RILPL1: variants seen among roughly 807,000 people sequenced by gnomAD.
RILPL1 encodes Rab interacting lysosomal protein like 1.
Under a neutral mutation model 50.3 loss-of-function variants are expected in RILPL1, and 33 were observed. The observed-to-expected ratio is 0.66, with a 90% CI of 0.50 to 0.88. RILPL1 has a LOEUF of 0.88. Among genes scored for constraint, RILPL1 ranks in the 40% least tolerant of loss-of-function variants. The probability of loss-of-function intolerance (pLI) is 0.00; values close to 1 mark genes in which losing one functional copy is unlikely to be tolerated. For missense variants in RILPL1, 418 were observed against 542.5 expected, an observed-to-expected ratio of 0.77 and a Z score of 2.28; for synonymous variants, 205 against 228.6, an observed-to-expected ratio of 0.90 and a Z score of 0.93.
At chr12:123,492,254 A>G (rs148505589) in intron 4 of RILPL1, among the ~76,000 whole-genome samples, 168 of 151,972 alleles carry the variant, frequency 1.1e-3, no homozygotes, top group African/African-American at 3.9e-3. Flanking sequence ...TATACATATA[A>G]TCTGTGAAAG....
intron 2 of RILPL1, among the ~76,000 whole-genome samples, chr12:123,512,630 CGTGT>C (rs1043383336): frequency 2.4e-5 from 2 of 84,450 alleles, no homozygotes; most frequent in Admixed American, 1.4e-4. Context: ...GTCTGTGTGT[CGTGT>C]GTGAGGTCTG....
intron 2 of RILPL1, among the ~76,000 whole-genome samples, chr12:123,515,697 G>A (rs954738654): frequency 2.2e-4 from 34 of 151,256 alleles, no homozygotes; most frequent in Non-Finnish European, 4.4e-4. Context: ...TGATCCGCCC[G>A]CCTCAGCCTC....
At chr12:123,483,569 A>G (rs1882133605) in intron 6 of RILPL1, among the ~76,000 whole-genome samples, 1 of 152,210 alleles carries the variant, frequency 6.6e-6, no homozygotes. Context: ...GGGAAATTTC[A>G]GGAGGTTTTA....
intron 2 of RILPL1, among the ~76,000 whole-genome samples, chr12:123,505,993 T>A (rs1883722805): frequency 6.6e-6 from 1 of 152,142 alleles, no homozygotes. Flanking sequence ...GCGTGGTGAA[T>A]AAATGAAACC....
At chr12:123,506,614 G>A (rs901194886) in intron 2 of RILPL1, among the ~76,000 whole-genome samples, 2 of 152,140 alleles carry the variant, frequency 1.3e-5, no homozygotes, top group African/African-American at 4.8e-5. Context: ...CCCGGAGAGC[G>A]GTACAGAAAG....
In RILPL1 at chr12:123,491,754, A is replaced by G. The variant is rs1425952529; in HGVS notation, c.802-5949T>C. ...GCTGGGCGCGGTGGCTCACACCTGT[A>G]ATCCCAGCAGGAGGCCGAAGCAGGC... On this transcript the variant is annotated intron_variant, in intron 4 of 6. Transcript: ENST00000376874. This position sits in a 1 kb window ranked among gnomAD's most constrained non-coding sequence, Gnocchi z 4.0. Among the ~76,000 whole-genome samples, 1 of 152,208 alleles carries G rather than the reference A, an allele frequency of 6.6e-6. No individual in the cohort carries two copies. Among genetic ancestry groups the G allele is most frequent in the Non-Finnish European group, 1.5e-5 (1 of 68,038 alleles).
chr12:123,503,617 T>C (rs565931723), intron 2 of RILPL1, among the ~76,000 whole-genome samples: 2 of 152,234 alleles, frequency 1.3e-5, no homozygotes, highest in African/African-American at 4.8e-5. Flanking sequence ...TCTCCTCTTC[T>C]GTCAGTGCCA....
chr12:123,490,263 C>A (rs1882606020), intron 4 of RILPL1, among the ~76,000 whole-genome samples: 1 of 152,168 alleles, frequency 6.6e-6, no homozygotes, highest in Non-Finnish European at 1.5e-5. Flanking sequence ...CTCCCAAACC[C>A]CCACCTCTCG....
At chr12:123,496,054 C>A (rs999905608) in intron 4 of RILPL1, among the ~76,000 whole-genome samples, 10 of 151,916 alleles carry the variant, frequency 6.6e-5, no homozygotes, top group African/African-American at 1.7e-4. Flanking sequence ...CCCCTGTCGC[C>A]CAGGCTGGAG....
At chr12:123,473,844 A>C (rs1881394166) in intron 6 of RILPL1, 1 of 40,238 alleles carries the variant, frequency 2.5e-5, no homozygotes, top group Non-Finnish European at 8.9e-5. Context: ...AAAACAAAAG[A>C]AAAAAAAAAG....
rs1003496810 is a variant in RILPL1, at chr12:123,491,724, G to A, written c.802-5919C>T. On this transcript the variant is annotated intron_variant, in intron 4 of 6. Transcript: ENST00000376874. The surrounding 1 kb of genome is among the most constrained non-coding windows in gnomAD (Gnocchi z 4.0). ...ACAAAACCTGCTACGAAATCAAAAC[G>A]TGTGGCTGGGCGCGGTGGCTCACAC... Among the ~76,000 whole-genome samples the A allele has an allele frequency of 2.6e-5, 4 of 152,110 alleles. No homozygotes were observed. The highest frequency in any genetic ancestry group is 5.9e-5 in the Non-Finnish European group (4 of 68,032).
intron 2 of RILPL1, 79 bp downstream of exon 2, chr12:123,523,416 G>T: frequency 6.5e-7 from 1 of 1,534,934 alleles, no homozygotes; most frequent in Non-Finnish European, 9.0e-7. Context: ...GCGTCCAGGG[G>T]TGGTGGCGAC....
At position 123,533,068 on chromosome 12, in the gene RILPL1, GTCCC is replaced by G; in HGVS notation, c.309+102_309+105del. The G allele has an allele frequency of 6.5e-6, 8 of 1,239,522 alleles. No individual in the cohort carries two copies. Among genetic ancestry groups the G allele is most frequent in the Non-Finnish European group, 8.8e-6 (8 of 911,712 alleles). 76.8% of individuals were successfully genotyped at this position (1,239,522 alleles called of 1,614,324 possible). A position where few individuals can be genotyped will look rare whatever the true frequency, so the allele number is the denominator to read the frequency against. ...CCCACGTCGGGTCTCCTCTGGTCCG[GTCCC>G]TGAACACACACACGTGCGCACCCAC... On this transcript the variant is annotated intron_variant, in intron 1 of 6. Coordinates refer to ENST00000376874, the MANE Select transcript of RILPL1 (RefSeq NM_178314.5). The surrounding 1 kb of genome is among the most constrained non-coding windows in gnomAD (Gnocchi z 6.2).
chr12:123,481,370 A>AAAAG (rs1309510343), intron 6 of RILPL1, among the ~76,000 whole-genome samples: 1 of 151,528 alleles, frequency 6.6e-6, no homozygotes, highest in Admixed American at 6.6e-5. Flanking sequence ...AAAAAAAAAA[A>AAAAG]AAAGAAAGAA....
At chr12:123,520,619 T>C (rs1361235813) in intron 2 of RILPL1, among the ~76,000 whole-genome samples, 50 of 151,954 alleles carry the variant, frequency 3.3e-4, no homozygotes, top group Non-Finnish European at 1.0e-4. Flanking sequence ...CTGAAGGAAA[T>C]TGGGATAGGG....
At chr12:123,475,775 A>G (rs1426958403) in intron 6 of RILPL1, 2 of 1,461,950 alleles carry the variant, frequency 1.4e-6, no homozygotes, top group South Asian at 1.2e-5. Flanking sequence ...ACAGATAGAC[A>G]CAGAGAAGAT....
chr12:123,481,349 A>G (rs1881983520), intron 6 of RILPL1, among the ~76,000 whole-genome samples: 2 of 142,968 alleles, frequency 1.4e-5, no homozygotes, highest in African/African-American at 5.4e-5. Context: ...ATGGAGTGAG[A>G]CTCCCTCTCA....
intron 2 of RILPL1, among the ~76,000 whole-genome samples, chr12:123,518,787 G>A (rs191479378): frequency 7.8e-4 from 119 of 152,034 alleles, no homozygotes; most frequent in African/African-American, 2.7e-3. Flanking sequence ...GGCCGGGCGC[G>A]GTGGCTCATG....
Position 123,525,497 on chromosome 12 carries a change from C to T in RILPL1, c.310-1852G>A, listed in dbSNP as rs374115573. On this transcript the variant is annotated intron_variant, in intron 1 of 6. Transcript: ENST00000376874. ...GGCAGATCACTTGAGGTCAGGAGTTCGAGACCAGCCTGACCAATATGGTGA... is the reference window on the plus strand; with the variant it reads ...GGCAGATCACTTGAGGTCAGGAGTTTGAGACCAGCCTGACCAATATGGTGA... Among the ~76,000 whole-genome samples the T allele has an allele frequency of 6.7e-5, 10 of 148,576 alleles. No homozygotes were observed. The East Asian group carries it at 1.6e-3, about 24-fold the overall frequency.
Sources: gnomAD v4.1 joint callset for allele counts (sites outside exome capture counted in the v4.1 genomes callset) on GRCh38, gnomAD v4.1.1 for gene constraint, Gnocchi (gnomAD v3.1) non-coding constraint, MANE v1.5 for transcripts, NCBI Gene and HGNC (gene_info 2026-07-23, HGNC 2026-07-21) for gene names.